USP3: variants seen among roughly 807,000 people sequenced by gnomAD.
The protein encoded by USP3 is ubiquitin specific peptidase 3.
Under a neutral mutation model 72.3 loss-of-function variants are expected in USP3, and 20 were observed. The observed-to-expected ratio is 0.28, with a 90% CI of 0.19 to 0.40. The LOEUF (loss-of-function observed/expected upper bound fraction) is 0.40. Ranked by LOEUF, USP3 falls within the 10% of genes least tolerant of loss-of-function variation. USP3 has a pLI of 1.00. For missense variants in USP3, 479 were observed against 633.9 expected (o/e 0.76, Z 2.62); for synonymous variants, 222 against 225.3 (o/e 0.99, Z 0.13).
intron 1 of USP3, among the ~76,000 whole-genome samples, chr15:63,517,428 T>A (rs1323157340): frequency 6.6e-6 from 1 of 152,208 alleles, no homozygotes; most frequent in Non-Finnish European, 1.5e-5. Context: ...TGGGTTCCTC[T>A]TTTTCTTTTT....
At chr15:63,575,274 A>G (rs2066845268) in intron 11 of USP3, among the ~76,000 whole-genome samples, 2 of 151,688 alleles carry the variant, frequency 1.3e-5, no homozygotes, top group Non-Finnish European at 2.9e-5. Context: ...GCTTAATCAC[A>G]CTTGAACCAC....
intron 11 of USP3, among the ~76,000 whole-genome samples, chr15:63,583,184 G>C (rs1040889595): frequency 1.3e-5 from 2 of 152,162 alleles, no homozygotes; most frequent in East Asian, 1.9e-4. Flanking sequence ...GGTAGCACAG[G>C]CAACAATGTC....
intron 9 of USP3, among the ~76,000 whole-genome samples, chr15:63,571,759 GA>G (rs1566912755): frequency 1.3e-5 from 2 of 152,186 alleles, no homozygotes; most frequent in Admixed American, 1.3e-4. Flanking sequence ...AGTGCCTCAT[GA>G]GTTTTCAGGA....
intron 3 of USP3, among the ~76,000 whole-genome samples, chr15:63,547,741 AGAGGGAGGGAGGGAGGGAGG>A (rs1184833796): frequency 1.8e-4 from 2 of 11,122 alleles, no homozygotes; most frequent in Middle Eastern, 0.1. Context: ...AGAGAGAGAG[AGAGGGAGGGAGGGAGGGAGG>A]GAGAGAGAGA....
At position 63,590,698 on chromosome 15, in the gene USP3, G is replaced by A. The variant is rs775106427; in HGVS notation, c.1435G>A (p.Glu479Lys). The A allele has an allele frequency of 1.1e-5, 18 of 1,613,274 alleles. No individual in the cohort carries two copies. Among genetic ancestry groups the A allele is most frequent in the East Asian group, 2.2e-5 (1 of 44,832 alleles). ...SGHYTAYATH[E>K]GRWFHFNDST... ...ACATTACACAGCATACGCAACTCAC[G>A]AAGGCCGCTGGTTCCACTTCAATGA... Residue 479 changes from glutamate (E) to lysine (K), a missense_variant, in exon 15 of 15, where the codon GAA becomes AAA. Transcript: ENST00000380324.
In USP3 at chr15:63,562,902, G is replaced by A. The variant is rs757028396; in HGVS notation, c.655G>A (p.Val219Ile). The A allele has an allele frequency of 3.5e-5, 57 of 1,605,952 alleles. No individual in the cohort carries two copies. The highest frequency in any genetic ancestry group is 4.5e-5 in the Non-Finnish European group (53 of 1,176,580). The change falls in exon 8 of 15, where the codon GTA (valine) becomes ATA (isoleucine). Residue 219 changes from valine (V) to isoleucine (I), a missense_variant. Val to Ile is a conservative substitution (Grantham distance 29, BLOSUM62 3). Coordinates refer to ENST00000380324, the MANE Select transcript of USP3 (RefSeq NM_006537.4). ...TCCTTTCCTCTTTTGCAGGTCTTTGGTAGAAGAGTTTAGAAAGACACTCTG... is the reference window on the plus strand; with the variant it reads ...TCCTTTCCTCTTTTGCAGGTCTTTGATAGAAGAGTTTAGAAAGACACTCTG... ...RSQGDNNVSL[V>I]EEFRKTLCAL...
chr15:63,527,540 T>G (rs1234580338), intron 1 of USP3, among the ~76,000 whole-genome samples: 2 of 152,206 alleles, frequency 1.3e-5, no homozygotes, highest in East Asian at 1.9e-4. Context: ...AATTCCAGAC[T>G]TGTTGGTAGG....
intron 1 of USP3, among the ~76,000 whole-genome samples, chr15:63,527,624 A>C (rs1193595855): frequency 6.6e-6 from 1 of 152,232 alleles, no homozygotes. Flanking sequence ...ATCAGTGGCT[A>C]TGTAGAAATA....
At chr15:63,522,859 G>A (rs2065937166) in intron 1 of USP3, among the ~76,000 whole-genome samples, 2 of 152,132 alleles carry the variant, frequency 1.3e-5, no homozygotes, top group Admixed American at 1.3e-4. Flanking sequence ...GATACCAAGG[G>A]TATATTATGG....
Position 63,556,820 on chromosome 15 carries a change from A to G in USP3, c.450+72A>G, listed in dbSNP as rs550716326. The G allele has an allele frequency of 3.8e-6, 4 of 1,058,044 alleles. No homozygotes were observed. The African/African-American group carries it at 6.4e-5, about 17-fold the overall frequency. 65.5% of individuals were successfully genotyped at this position (1,058,044 alleles called of 1,614,324 possible). On this transcript the variant is annotated intron_variant, in intron 5 of 14. Transcript: ENST00000380324. ...ATCACTGTTTTGTTACAACTCTAAC[A>G]TGTAATGTTACCTGTTACAGACTTT...
intron 11 of USP3, among the ~76,000 whole-genome samples, chr15:63,582,564 A>G (rs968887930): frequency 1.3e-5 from 2 of 152,308 alleles, no homozygotes; most frequent in African/African-American, 2.4e-5. Flanking sequence ...GATCATGTCT[A>G]TTCCTTTTTG....
intron 11 of USP3, among the ~76,000 whole-genome samples, chr15:63,581,530 G>A (rs2066962156): frequency 6.8e-6 from 1 of 146,226 alleles, no homozygotes; most frequent in Admixed American, 6.8e-5. Flanking sequence ...CTACAGGTGT[G>A]CAGCCACCAC....
intron 1 of USP3, among the ~76,000 whole-genome samples, chr15:63,510,386 A>AT (rs2065765236): frequency 6.6e-6 from 1 of 151,546 alleles, no homozygotes; most frequent in East Asian, 1.9e-4. Flanking sequence ...TGTTTTTAAT[A>AT]TTTTTCCTTC....
intron 9 of USP3, among the ~76,000 whole-genome samples, chr15:63,572,590 C>T (rs1032492658): frequency 2.0e-5 from 3 of 152,064 alleles, no homozygotes; most frequent in Non-Finnish European, 4.4e-5. Context: ...GAAGCCTTTT[C>T]CTAGAAAAGG....
At chr15:63,549,130 A>G (rs1475320801) in intron 3 of USP3, among the ~76,000 whole-genome samples, 1 of 152,220 alleles carries the variant, frequency 6.6e-6, no homozygotes, top group East Asian at 1.9e-4. Context: ...TAAAATTATT[A>G]GAGATAGTTT....
chr15:63,586,975 A>C (rs2067079136), intron 11 of USP3, among the ~76,000 whole-genome samples: 1 of 152,188 alleles, frequency 6.6e-6, no homozygotes, highest in Admixed American at 6.5e-5. Flanking sequence ...CCTTGCCTCC[A>C]CTAACTTTCC....
At chr15:63,527,497 C>T (rs1313781054) in intron 1 of USP3, among the ~76,000 whole-genome samples, 1 of 152,100 alleles carries the variant, frequency 6.6e-6, no homozygotes, top group Non-Finnish European at 1.5e-5. Flanking sequence ...GTGTCATAAG[C>T]GGTCATGTAT....
intron 11 of USP3, among the ~76,000 whole-genome samples, chr15:63,577,479 G>T (rs1250234799): frequency 6.6e-6 from 1 of 152,250 alleles, no homozygotes; most frequent in Non-Finnish European, 1.5e-5. Context: ...AAAGAAGGCC[G>T]GGCGTGGTGG....
chr15:63,579,075 A>G (rs62012775), intron 11 of USP3, among the ~76,000 whole-genome samples: 1 of 152,188 alleles, frequency 6.6e-6, no homozygotes, highest in African/African-American at 2.4e-5. Flanking sequence ...TTCTGTATGT[A>G]GCAAAATAAT....
Sources: gnomAD v4.1 joint callset for allele counts (sites outside exome capture counted in the v4.1 genomes callset) on GRCh38, gnomAD v4.1.1 for gene constraint, MANE v1.5 for transcripts, NCBI Gene and HGNC (gene_info 2026-07-23, HGNC 2026-07-21) for gene names.